Variants in SHISA6 observed in about 807,000 individuals in gnomAD.
The protein encoded by SHISA6 is protein shisa-6.
SHISA6 carries 22 observed loss-of-function variants against 47.9 expected under a neutral mutation model. The observed-to-expected ratio is 0.46, with a 90% CI of 0.33 to 0.66. The LOEUF (loss-of-function observed/expected upper bound fraction) is 0.66, where lower values mean the gene tolerates loss of function less well. SHISA6 is among the 30% of genes least tolerant of loss of function. The pLI, the probability that SHISA6 is intolerant of heterozygous loss-of-function variation, is 0.02. For missense variants in SHISA6, 680 were observed against 764.6 expected (o/e 0.89, Z 1.30); for synonymous variants, 388 against 337.8 (o/e 1.15, Z -1.63).
At chr17:11,415,340 T>C (rs1376584050) in intron 3 of SHISA6, among the ~76,000 whole-genome samples, 1 of 152,206 alleles carries the variant, frequency 6.6e-6, no homozygotes, top group African/African-American at 2.4e-5. Context: ...TCCATTTGAC[T>C]TCAAACCCCT....
intron 3 of SHISA6, among the ~76,000 whole-genome samples, chr17:11,465,603 C>T (rs72807183): frequency 0.065 from 9,894 of 152,150 alleles, 388 homozygotes; most frequent in Non-Finnish European, 0.089. Flanking sequence ...CTAGCTACTG[C>T]CCCCAGGAGA....
intron 3 of SHISA6, among the ~76,000 whole-genome samples, chr17:11,415,463 C>CT (rs1567600023): frequency 6.6e-6 from 1 of 152,178 alleles, no homozygotes; most frequent in African/African-American, 2.4e-5. Flanking sequence ...AGCTGACAGT[C>CT]TTGACTCACT....
chr17:11,394,067 G>C (rs1913482681), intron 3 of SHISA6, among the ~76,000 whole-genome samples: 1 of 152,030 alleles, frequency 6.6e-6, no homozygotes, highest in Non-Finnish European at 1.5e-5. Flanking sequence ...TTTTTAACTT[G>C]TATGCTGTCT....
Position 11,314,792 on chromosome 17 carries a change from G to A in SHISA6, c.799+51266G>A, listed in dbSNP as rs573657742. Among the ~76,000 whole-genome samples, 5 of 152,018 alleles carry A rather than the reference G, an allele frequency of 3.3e-5. No individual in the cohort carries two copies. In the East Asian group the frequency reaches 7.8e-4, roughly 24 times the overall value. ...TGACCTCAGGTGATCCACCCGCCTC[G>A]GCCTCCCAAAGTGCTGAGACTACAG... On this transcript the variant is annotated intron_variant, in intron 2 of 5. Transcript: ENST00000441885.
At position 11,265,569 on chromosome 17, in the gene SHISA6, A is replaced by G. The variant is rs115322074; in HGVS notation, c.799+2043A>G. Reference sequence around the variant, plus strand: ...TTGTCATTGATCACTGTTGAACCCAACTCTGGTATTATCACCACCTTTGAG... The same window carrying G: ...TTGTCATTGATCACTGTTGAACCCAGCTCTGGTATTATCACCACCTTTGAG... On this transcript the variant is annotated intron_variant, in intron 2 of 5. Transcript: ENST00000441885. Among the ~76,000 whole-genome samples, 664 of 151,896 alleles carry G rather than the reference A, an allele frequency of 4.4e-3. 4 individuals carry two copies. The highest frequency in any genetic ancestry group is 0.015 in the African/African-American group (618 of 41,418).
rs141411738 is a variant in SHISA6 at position 11,526,622 on chromosome 17, T to C, written c.896-25274T>C. Among the ~76,000 whole-genome samples the C allele has an allele frequency of 5.9e-5, 9 of 152,242 alleles. No individual in the cohort carries two copies. The East Asian group carries it at 1.2e-3, about 20-fold the overall frequency. Reference sequence around the variant, plus strand: ...TCCTGTTAACTTCCCCGATGGTTCATCTGGGGGTCTTTTCTACTTAGAACC... The same window carrying C: ...TCCTGTTAACTTCCCCGATGGTTCACCTGGGGGTCTTTTCTACTTAGAACC... On this transcript the variant is annotated intron_variant, in intron 3 of 5. Coordinates refer to ENST00000441885, the MANE Select transcript of SHISA6 (RefSeq NM_207386.4).
chr17:11,262,373 G>C (rs772849611), intron 1 of SHISA6, among the ~76,000 whole-genome samples: 9 of 152,190 alleles, frequency 5.9e-5, no homozygotes, highest in Non-Finnish European at 1.2e-4. Flanking sequence ...GGAGTGCATT[G>C]AGGACTGGGG....
intron 1 of SHISA6, among the ~76,000 whole-genome samples, chr17:11,251,010 G>C (rs1907781840): frequency 6.6e-6 from 1 of 152,088 alleles, no homozygotes; most frequent in Non-Finnish European, 1.5e-5. Flanking sequence ...CTGAGTGTAG[G>C]GGCCCATGTT....
chr17:11,538,971 C>T (rs554618493), intron 3 of SHISA6, among the ~76,000 whole-genome samples: 21 of 152,138 alleles, frequency 1.4e-4, no homozygotes, highest in African/African-American at 4.1e-4. Context: ...GATGGAGTCT[C>T]GCTCTGTCAA....
chr17:11,444,088 G>A (rs994356059), intron 3 of SHISA6, among the ~76,000 whole-genome samples: 6 of 152,162 alleles, frequency 3.9e-5, no homozygotes, highest in African/African-American at 1.4e-4. Context: ...GGAGGCCAAG[G>A]CAGGTGGATC....
intron 2 of SHISA6, among the ~76,000 whole-genome samples, chr17:11,366,910 G>A (rs763809575): frequency 2.0e-5 from 3 of 152,180 alleles, no homozygotes; most frequent in Non-Finnish European, 4.4e-5. Flanking sequence ...AACCTTACTT[G>A]AGATCAGGAT....
intron 2 of SHISA6, among the ~76,000 whole-genome samples, chr17:11,315,708 T>C (rs144729713): frequency 6.6e-6 from 1 of 152,220 alleles, no homozygotes; most frequent in Non-Finnish European, 1.5e-5. Flanking sequence ...ATTCTTGAAC[T>C]TTCCCTGCAT....
chr17:11,493,660 G>T (rs1004011668), intron 3 of SHISA6, among the ~76,000 whole-genome samples: 1 of 152,142 alleles, frequency 6.6e-6, no homozygotes, highest in African/African-American at 2.4e-5. Context: ...GAGTTGCCAG[G>T]CCCAAGGGGT....
At chr17:11,381,872 A>T (rs1259302417) in intron 3 of SHISA6, among the ~76,000 whole-genome samples, 8 of 152,040 alleles carry the variant, frequency 5.3e-5, no homozygotes, top group Non-Finnish European at 1.0e-4. Context: ...TGTTCTCCCC[A>T]TTCACTATTT....
At chr17:11,462,608 G>T (rs186919028) in intron 3 of SHISA6, among the ~76,000 whole-genome samples, 38 of 151,870 alleles carry the variant, frequency 2.5e-4, no homozygotes, top group East Asian at 2.1e-3. Context: ...ACAGTGTGGG[G>T]TTTTTTTTGT....
chr17:11,426,276 A>G (rs373516967), intron 3 of SHISA6, among the ~76,000 whole-genome samples: 4 of 152,258 alleles, frequency 2.6e-5, no homozygotes, highest in African/African-American at 9.6e-5. Context: ...ATAAATATCT[A>G]TTAGCCACAA....
At chr17:11,363,728 C>T (rs944257264) in intron 2 of SHISA6, among the ~76,000 whole-genome samples, 2 of 152,142 alleles carry the variant, frequency 1.3e-5, no homozygotes, top group Non-Finnish European at 2.9e-5. Flanking sequence ...GCACTGAAAG[C>T]TCTTCTCCAT....
intron 2 of SHISA6, among the ~76,000 whole-genome samples, 158 bp downstream of exon 2, chr17:11,263,684 G>C (rs554237161): frequency 1.3e-5 from 2 of 152,246 alleles, no homozygotes; most frequent in East Asian, 3.9e-4. Context: ...CTCTCCCTGG[G>C]GTGAGTTTGG....
Position 11,263,844 on chromosome 17 carries a change from C to T in SHISA6, c.799+318C>T, listed in dbSNP as rs1480221499. On this transcript the variant is annotated intron_variant, in intron 2 of 5. Transcript: ENST00000441885. ...CAGGGTATGGCCATCCATTCGCCCA[C>T]GTGGTGGGAAACTTTAGGCTGAGTA... is the stretch of plus-strand genomic sequence containing the variant. Among the ~76,000 whole-genome samples, 6 of 152,114 alleles carry T rather than the reference C, an allele frequency of 3.9e-5. 1 individual carries two copies. The South Asian group carries it at 6.2e-4, about 16-fold the overall frequency.
Sources: gnomAD v4.1 joint callset for allele counts (sites outside exome capture counted in the v4.1 genomes callset) on GRCh38, gnomAD v4.1.1 for gene constraint, MANE v1.5 for transcripts, NCBI Gene and HGNC (gene_info 2026-07-23, HGNC 2026-07-21) for gene names.